The following MAST2 variants were observed in gnomAD, a reference collection of about 807,000 sequenced individuals.
The protein encoded by MAST2 is microtubule-associated serine/threonine-protein kinase 2.
In MAST2, 70 loss-of-function variants were observed where a neutral mutation model predicts 147.4. That is an observed-to-expected ratio of 0.47 (90% CI 0.39 to 0.58). The LOEUF (loss-of-function observed/expected upper bound fraction) is 0.58. MAST2 is among the 20% of genes least tolerant of loss of function. The pLI is 0.00. For synonymous variants in MAST2, 869 were observed against 896.8 expected, an observed-to-expected ratio of 0.97 and a Z score of 0.55; for missense variants, 2,080 against 2,302.3, an observed-to-expected ratio of 0.90 and a Z score of 1.98.
intron 5 of MAST2, among the ~76,000 whole-genome samples, chr1:45,991,736 A>C (rs183256351): frequency 7.0e-4 from 107 of 152,292 alleles, no homozygotes; most frequent in African/African-American, 2.5e-3. Flanking sequence ...CCTTGTTGTA[A>C]TTGCTTATTA....
At chr1:45,804,193 G>A (rs930552861) in intron 1 of MAST2, 121 bp downstream of exon 1, 1 of 1,189,868 alleles carries the variant, frequency 8.4e-7, no homozygotes, top group Non-Finnish European at 1.1e-6. Context: ...TCGCGGGGAG[G>A]AGTGGGAGGT....
chr1:45,908,120 A>AT (rs1271231113), intron 4 of MAST2, among the ~76,000 whole-genome samples: 4 of 151,448 alleles, frequency 2.6e-5, no homozygotes, highest in African/African-American at 7.3e-5. Context: ...GGTTTTGTTA[A>AT]TTTTTTTATT....
At chr1:46,014,104 G>C (rs1043958335) in intron 10 of MAST2, among the ~76,000 whole-genome samples, 2 of 151,744 alleles carry the variant, frequency 1.3e-5, no homozygotes, top group Non-Finnish European at 2.9e-5. Flanking sequence ...TAGAATCTAA[G>C]ATATTATTGG....
intron 1 of MAST2, among the ~76,000 whole-genome samples, chr1:45,815,723 C>G (rs1192468128): frequency 1.3e-5 from 2 of 152,112 alleles, no homozygotes; most frequent in African/African-American, 4.8e-5. Context: ...ACAAGGACCC[C>G]TTGATTGAGG....
At chr1:45,908,748 A>G (rs1651182176) in intron 4 of MAST2, among the ~76,000 whole-genome samples, 1 of 151,682 alleles carries the variant, frequency 6.6e-6, no homozygotes, top group Non-Finnish European at 1.5e-5. Flanking sequence ...GCTTACCTGA[A>G]CTCTAGCCCA....
At chr1:45,951,579 T>C (rs1658938694) in intron 4 of MAST2, among the ~76,000 whole-genome samples, 1 of 151,936 alleles carries the variant, frequency 6.6e-6, no homozygotes, top group South Asian at 2.1e-4. Context: ...TGATCCCCTG[T>C]CTCAAAACAA....
At chr1:46,000,517 A>G (rs1371055713) in intron 6 of MAST2, among the ~76,000 whole-genome samples, 1 of 152,164 alleles carries the variant, frequency 6.6e-6, no homozygotes, top group East Asian at 1.9e-4. Flanking sequence ...GTTTAGGAGT[A>G]GGACCAACTA....
Position 45,947,505 on chromosome 1 carries a change from AG to A in MAST2, c.501-11880del, listed in dbSNP as rs773372169. ...ATTATCATTGTTGTTTTAAATGCAT[AG>A]CTGATTTCAGCAGAACATGAGGAAA... On this transcript the variant is annotated intron_variant, in intron 4 of 28. Transcript: ENST00000361297. 5.3e-5 allele frequency among the ~76,000 whole-genome samples: 8 copies of A among 152,316 alleles called. No homozygotes were observed. The East Asian group carries it at 1.2e-3, about 22-fold the overall frequency.
intron 3 of MAST2, among the ~76,000 whole-genome samples, chr1:45,878,526 C>T (rs1646704141): frequency 6.6e-6 from 1 of 152,060 alleles, no homozygotes. Flanking sequence ...CTTCATTTAA[C>T]ATCTTATAGA....
At chr1:45,953,831 G>A (rs1297590592) in intron 4 of MAST2, among the ~76,000 whole-genome samples, 4 of 152,180 alleles carry the variant, frequency 2.6e-5, no homozygotes, top group African/African-American at 4.8e-5. Flanking sequence ...AGACTAGTTA[G>A]GAGGGTATTG....
At chr1:45,849,243 G>A (rs987282460) in intron 3 of MAST2, among the ~76,000 whole-genome samples, 11 of 152,064 alleles carry the variant, frequency 7.2e-5, no homozygotes, top group African/African-American at 2.7e-4. Context: ...TTTAAAATTC[G>A]TATGGAACCA....
intron 4 of MAST2, among the ~76,000 whole-genome samples, chr1:45,926,642 C>T (rs1654411961): frequency 2.0e-5 from 3 of 152,176 alleles, no homozygotes; most frequent in Non-Finnish European, 2.9e-5. Context: ...TCCATCAAAA[C>T]GGTTTCAAGG....
chr1:45,980,420 A>G (rs112541390), intron 5 of MAST2, among the ~76,000 whole-genome samples: 1 of 152,228 alleles, frequency 6.6e-6, no homozygotes, highest in African/African-American at 2.4e-5. Context: ...CACGCAATAT[A>G]CCCAGGTAAT....
At position 46,032,369 on chromosome 1, in the gene MAST2, G is replaced by A; in HGVS notation, c.3379G>A (p.Asp1127Asn). 1.2e-6 allele frequency: 2 copies of A among 1,613,754 alleles called. No homozygotes were observed. The highest frequency in any genetic ancestry group is 1.7e-6 in the Non-Finnish European group (2 of 1,179,918). The part of the protein sequence containing the change: ...TLRAIRVYMG[D>N]SDVYTVHHMV... ...GCGGGCCATTCGCGTCTACATGGGT[G>A]ACTCCGATGTCTACACCGTGCACCA... is the stretch of plus-strand genomic sequence containing the variant. The change falls in exon 25 of 29, where the codon GAC becomes AAC. Residue 1127 changes from aspartate (D) to asparagine (N), a missense_variant. This residue lies in a region of MAST2 where 1,278 missense variants were observed against 1,304.2 expected (regional missense o/e 0.98). Coordinates refer to ENST00000361297, the MANE Select transcript of MAST2 (RefSeq NM_015112.3).
chr1:45,907,312 C>T (rs947620893), intron 4 of MAST2, among the ~76,000 whole-genome samples: 3 of 152,058 alleles, frequency 2.0e-5, no homozygotes, highest in African/African-American at 4.8e-5. Context: ...AATCTGTGCC[C>T]ATCCCAAGAT....
At position 46,035,310 on chromosome 1, in the gene MAST2, C is replaced by T. The variant is rs746942807; in HGVS notation, c.4641C>T (p.Phe1547=). ...GAGAGAGTGGGGAAGAGGATCCTTT[C>T]CCGTCCAGAGACCCTAGGAGCCTGG... ...GAGESGEEDP[F]PSRDPRSLGP... The change falls in exon 29 of 29, where the codon TTC becomes TTT. Residue 1547 remains phenylalanine (F), a synonymous_variant. Transcript: ENST00000361297. This position sits in a 1 kb window ranked among gnomAD's most constrained non-coding sequence, Gnocchi z 5.5. 16 of 1,613,864 alleles carry T rather than the reference C, an allele frequency of 9.9e-6. No homozygotes were observed. The East Asian group carries it at 3.6e-4, about 36-fold the overall frequency.
intron 4 of MAST2, among the ~76,000 whole-genome samples, chr1:45,896,081 C>A (rs1648687399): frequency 6.6e-6 from 1 of 150,514 alleles, no homozygotes; most frequent in African/African-American, 2.5e-5. Flanking sequence ...TGCTCTGTTG[C>A]CCAGGTTGGA....
chr1:46,036,077 C>T lies in MAST2; in HGVS notation c.*11C>T. 1 of 1,588,978 alleles carries T rather than the reference C, an allele frequency of 6.3e-7. No homozygotes were observed. Among genetic ancestry groups the T allele is most frequent in the Non-Finnish European group, 8.6e-7 (1 of 1,167,168 alleles). ...TTAAAGCAAACATAGCAGTTGTTTG[C>T]CATTTCTTGCACTCAGACCTGTGTA... is the stretch of plus-strand genomic sequence containing the variant. On this transcript the variant is annotated 3_prime_UTR_variant, in exon 29 of 29. Transcript: ENST00000361297.
chr1:45,854,356 T>G (rs1645721688), intron 3 of MAST2, among the ~76,000 whole-genome samples: 1 of 147,746 alleles, frequency 6.8e-6, no homozygotes, highest in South Asian at 2.2e-4. Flanking sequence ...AAAAAAAAAT[T>G]GGACATATTT....
Sources: gnomAD v4.1 joint callset for allele counts (sites outside exome capture counted in the v4.1 genomes callset) on GRCh38, gnomAD v4.1.1 for gene constraint, gnomAD v4.1.1 regional missense constraint, Gnocchi (gnomAD v3.1) non-coding constraint, MANE v1.5 for transcripts, NCBI Gene and HGNC (gene_info 2026-07-23, HGNC 2026-07-21) for gene names.